Variants in PHLPP1 observed in about 807,000 individuals in gnomAD.
The protein encoded by PHLPP1 is PH domain and leucine rich repeat protein phosphatase 1.
PHLPP1 carries 42 observed loss-of-function variants against 117.2 expected under a neutral mutation model. The ratio of observed to expected loss-of-function variants is 0.36; its 90% CI spans 0.28 to 0.46. PHLPP1 has a LOEUF of 0.46. Among genes scored for constraint, PHLPP1 ranks in the 20% least tolerant of loss-of-function variants. The probability of loss-of-function intolerance (pLI) is 1.00; values close to 1 mark genes in which losing one functional copy is unlikely to be tolerated. For synonymous variants in PHLPP1, 1,042 were observed against 970.7 expected (o/e 1.07, Z -1.37); for missense variants, 2,084 against 2,241.9 (o/e 0.93, Z 1.42).
rs1295392085 is a variant in PHLPP1, at chr18:62,716,600, T to C, written c.917T>C (p.Val306Ala). The change falls in exon 1 of 17, where the codon GTC becomes GCC. Residue 306 changes from valine (V) to alanine (A), a missense_variant. Val to Ala is a moderately conservative substitution (Grantham distance 64). Transcript: ENST00000262719. This position sits in a 1 kb window ranked among gnomAD's most constrained non-coding sequence, Gnocchi z 5.7. Reference protein sequence around the residue: ...RAPPADLPLPVGGPGGWSRRA... With the variant: ...RAPPADLPLPAGGPGGWSRRA... ...CCCCCCGCCGACCTACCCCTGCCCG[T>C]CGGCGGCCCGGGCGGGTGGTCGCGC... 1.1e-5 allele frequency: 14 copies of C among 1,297,112 alleles called. No individual in the cohort carries two copies. In the East Asian group the frequency reaches 4.4e-4, roughly 41 times the overall value. The allele number at this position is 1,297,112 out of a possible 1,614,324, so 80.4% of individuals were successfully genotyped here.
intron 13 of PHLPP1, among the ~76,000 whole-genome samples, chr18:62,961,048 G>A (rs532373938): frequency 2.0e-5 from 3 of 152,188 alleles, no homozygotes; most frequent in Non-Finnish European, 4.4e-5. Flanking sequence ...TGTAATCCCA[G>A]CACTTTGGGA....
chr18:62,760,330 A>G (rs1162975498), intron 1 of PHLPP1, among the ~76,000 whole-genome samples: 1 of 152,068 alleles, frequency 6.6e-6, no homozygotes, highest in Admixed American at 6.5e-5. Flanking sequence ...TTCATTTTAT[A>G]TTACTTGCCT....
Position 62,838,874 on chromosome 18 carries a change from A to G in PHLPP1, c.1864A>G (p.Thr622Ala), listed in dbSNP as rs142114164. 1.3e-4 allele frequency: 212 copies of G among 1,613,916 alleles called. 2 individuals carry two copies. The East Asian group carries it at 4.7e-3, about 35-fold the overall frequency. Residue 622 changes from threonine (T) to alanine (A), a missense_variant, in exon 3 of 17, where the codon ACA becomes GCA. By Grantham distance (58) the Thr-to-Ala change is moderately conservative. Around this residue, in one of 2 missense-constraint regions of PHLPP1, gnomAD observed 1,365 missense variants for 1,605.9 expected, o/e 0.85. Coordinates refer to ENST00000262719, the MANE Select transcript of PHLPP1 (RefSeq NM_194449.4). ...QTYYICFDTF[T>A]EYLRWLRQVS... The stretch of plus-strand genomic sequence containing the variant: ...TTACTACATTTGCTTTGATACTTTC[A>G]CAGAATACTTAAGGTGGCTGCGACA...
chr18:62,768,469 T>A (rs1465832687), intron 1 of PHLPP1, among the ~76,000 whole-genome samples: 1 of 152,122 alleles, frequency 6.6e-6, no homozygotes, highest in Non-Finnish European at 1.5e-5. Flanking sequence ...GAATATAAGT[T>A]TAAAAATTAC....
chr18:62,766,074 A>AT (rs1184323933), intron 1 of PHLPP1, among the ~76,000 whole-genome samples: 77 of 18,204 alleles, frequency 4.2e-3, no homozygotes, highest in East Asian at 0.025. Flanking sequence ...AAAAAAAAAA[A>AT]AAATATATAT....
chr18:62,730,094 C>CA (rs1159360464), intron 1 of PHLPP1, among the ~76,000 whole-genome samples: 1 of 152,182 alleles, frequency 6.6e-6, no homozygotes. Context: ...CATCACATGT[C>CA]AGAGTTAACT....
chr18:62,831,487 G>T (rs1914755650), intron 2 of PHLPP1, among the ~76,000 whole-genome samples: 1 of 151,952 alleles, frequency 6.6e-6, no homozygotes, highest in South Asian at 2.1e-4. Context: ...ACAGGCGCAT[G>T]ACACCATATC....
intron 3 of PHLPP1, among the ~76,000 whole-genome samples, chr18:62,846,784 AT>A (rs1487669666): frequency 3.3e-5 from 5 of 152,232 alleles, no homozygotes; most frequent in African/African-American, 1.2e-4. Context: ...AGAAGGTAAC[AT>A]TTTGGATTGT....
At chr18:62,932,736 A>G (rs1033039869) in intron 10 of PHLPP1, among the ~76,000 whole-genome samples, 1 of 152,194 alleles carries the variant, frequency 6.6e-6, no homozygotes, top group Non-Finnish European at 1.5e-5. Flanking sequence ...CACCACTCCT[A>G]TTGAACATAG....
chr18:62,928,023 T>G (rs889079260), intron 10 of PHLPP1, among the ~76,000 whole-genome samples: 1 of 152,148 alleles, frequency 6.6e-6, no homozygotes, highest in African/African-American at 2.4e-5. Context: ...TCATTAGACT[T>G]CTCAAAAACA....
intron 1 of PHLPP1, among the ~76,000 whole-genome samples, chr18:62,798,687 G>T (rs1568120696): frequency 6.6e-6 from 1 of 151,790 alleles, no homozygotes; most frequent in Non-Finnish European, 1.5e-5. Context: ...GTTTTTTATT[G>T]CTCATTTGCT....
chr18:62,875,044 T>G (rs1916013106), intron 4 of PHLPP1, among the ~76,000 whole-genome samples: 1 of 152,170 alleles, frequency 6.6e-6, no homozygotes, highest in African/African-American at 2.4e-5. Context: ...AACTTCCGCC[T>G]CCCGGGTTCA....
chr18:62,940,941 C>G (rs1910116387), intron 10 of PHLPP1, among the ~76,000 whole-genome samples: 1 of 152,188 alleles, frequency 6.6e-6, no homozygotes, highest in African/African-American at 2.4e-5. Context: ...ATCCTGACTT[C>G]TGTTACTACA....
At chr18:62,833,273 C>T (rs1914803005) in intron 2 of PHLPP1, among the ~76,000 whole-genome samples, 1 of 152,082 alleles carries the variant, frequency 6.6e-6, no homozygotes, top group Admixed American at 6.6e-5. Flanking sequence ...AGGGTTTCAC[C>T]GTGTTGGCCA....
chr18:62,960,472 A>ATAAAT (rs1339888723), intron 13 of PHLPP1, among the ~76,000 whole-genome samples: 1 of 152,226 alleles, frequency 6.6e-6, no homozygotes, highest in Non-Finnish European at 1.5e-5. Flanking sequence ...AAGAGTAGAT[A>ATAAAT]TAAATGGCAA....
chr18:62,862,308 T>C (rs1915653104), intron 4 of PHLPP1, among the ~76,000 whole-genome samples: 1 of 152,086 alleles, frequency 6.6e-6, no homozygotes, highest in Non-Finnish European at 1.5e-5. Flanking sequence ...CTCGAACTCC[T>C]GACCTGAAGT....
chr18:62,798,613 C>T (rs991447904), intron 1 of PHLPP1, among the ~76,000 whole-genome samples: 2 of 152,126 alleles, frequency 1.3e-5, no homozygotes, highest in Non-Finnish European at 1.5e-5. Flanking sequence ...GCATTATGAG[C>T]GTTTATAGGC....
chr18:62,975,122 G>A (rs34946223), intron 15 of PHLPP1, among the ~76,000 whole-genome samples: 17,372 of 152,192 alleles, frequency 0.11, 1,283 homozygotes, highest in African/African-American at 0.21. Flanking sequence ...CAGCCCAGGG[G>A]CACCCGCCTT....
chr18:62,874,683 ACACACACACT>A (rs1388913339), intron 4 of PHLPP1, among the ~76,000 whole-genome samples: 2 of 150,042 alleles, frequency 1.3e-5, no homozygotes, highest in Non-Finnish European at 2.9e-5. Flanking sequence ...ACACACACAC[ACACACACACT>A]CTCGCTCTCT....
Sources: gnomAD v4.1 joint callset for allele counts (sites outside exome capture counted in the v4.1 genomes callset) on GRCh38, gnomAD v4.1.1 for gene constraint, gnomAD v4.1.1 regional missense constraint, Gnocchi (gnomAD v3.1) non-coding constraint, MANE v1.5 for transcripts, NCBI Gene and HGNC (gene_info 2026-07-23, HGNC 2026-07-21) for gene names.